The following PALD1 variants were observed in gnomAD, a reference collection of about 807,000 sequenced individuals.
PALD1 encodes the protein phosphatase domain containing paladin 1.
In PALD1, 57 loss-of-function variants were observed where a neutral mutation model predicts 96.0. The ratio of observed to expected loss-of-function variants is 0.59; its 90% CI spans 0.48 to 0.74. The LOEUF is 0.74. PALD1 is among the 30% of genes least tolerant of loss of function. PALD1 has a pLI of 0.00. For synonymous variants in PALD1, 464 were observed against 473.6 expected, an observed-to-expected ratio of 0.98 and a Z score of 0.26; for missense variants, 1,063 against 1,143.7, an observed-to-expected ratio of 0.93 and a Z score of 1.02.
chr10:70,482,852 C>T (rs1294177551), intron 1 of PALD1, among the ~76,000 whole-genome samples: 1 of 152,102 alleles, frequency 6.6e-6, no homozygotes, highest in Admixed American at 6.5e-5. Context: ...CCGAGGCTGT[C>T]TGGCTCCTAG....
intron 1 of PALD1, chr10:70,485,276 CCT>C (rs1846000429): frequency 6.6e-6 from 1 of 152,058 alleles, no homozygotes; most frequent in Admixed American, 6.6e-5. Context: ...ATGTTTATTC[CCT>C]GTTATACTTC....
rs1051109534 is a variant in PALD1 at position 70,506,536 on chromosome 10, A to G, written c.-29-19387A>G. Among the ~76,000 whole-genome samples, 3 of 152,260 alleles carry G rather than the reference A, an allele frequency of 2.0e-5. No individual in the cohort carries two copies. In the East Asian group the frequency reaches 5.8e-4, roughly 29 times the overall value. Reference sequence around the variant, plus strand: ...AGTCCAGTACATGTTACCTGCTGCCATTATTATCCTTTCCCCCAACTAACC... The same window carrying G: ...AGTCCAGTACATGTTACCTGCTGCCGTTATTATCCTTTCCCCCAACTAACC... On this transcript the variant is annotated intron_variant, in intron 1 of 19. Coordinates refer to ENST00000263563, the MANE Select transcript of PALD1 (RefSeq NM_014431.3).
chr10:70,538,811 G>A (rs758585132), intron 12 of PALD1, 81 bp from the exon 13 acceptor site: 42 of 1,179,938 alleles, frequency 3.6e-5, no homozygotes, highest in South Asian at 7.4e-5. Context: ...CCCACCCCCC[G>A]TCTGCCTTGG....
the PALD1 span, among the ~76,000 whole-genome samples, chr10:70,472,748 G>A: frequency 1.3e-5 from 2 of 152,068 alleles, no homozygotes; most frequent in African/African-American, 2.4e-5. Context: ...CCTTTCTGAC[G>A]GCAGTAGTGG....
At chr10:70,460,927 C>T in the PALD1 span, among the ~76,000 whole-genome samples, 73 of 152,276 alleles carry the variant, frequency 4.8e-4, 1 homozygote, top group African/African-American at 1.6e-3. Context: ...TGGTGGCATG[C>T]GCCTGTAATC....
At chr10:70,459,602 AGT>A in the PALD1 span, among the ~76,000 whole-genome samples, 3 of 152,158 alleles carry the variant, frequency 2.0e-5, no homozygotes, top group African/African-American at 7.2e-5. Flanking sequence ...CCTTTGCATG[AGT>A]CTTGGCAGAC....
chr10:70,460,116 C>A, the PALD1 span, among the ~76,000 whole-genome samples: 4 of 152,306 alleles, frequency 2.6e-5, no homozygotes, highest in East Asian at 7.7e-4. Flanking sequence ...AGCTTTCGTG[C>A]GGCTAAGCTT....
chr10:70,535,770 AG>A (rs1847103314), intron 10 of PALD1, among the ~76,000 whole-genome samples: 1 of 151,610 alleles, frequency 6.6e-6, no homozygotes, highest in South Asian at 2.1e-4. Context: ...GTGCAGTCAT[AG>A]CTCACTGCAA....
chr10:70,492,961 C>T (rs1338940574), intron 1 of PALD1, among the ~76,000 whole-genome samples: 1 of 152,204 alleles, frequency 6.6e-6, no homozygotes, highest in Non-Finnish European at 1.5e-5. Flanking sequence ...CCTGCATCAC[C>T]TCTTGGGAAT....
chr10:70,459,662 C>A, the PALD1 span, among the ~76,000 whole-genome samples: 1 of 152,224 alleles, frequency 6.6e-6, no homozygotes, highest in East Asian at 1.9e-4. Flanking sequence ...GAGCCCCCGC[C>A]TTGTGACGTT....
intron 1 of PALD1, among the ~76,000 whole-genome samples, chr10:70,498,349 A>AACACG (rs1846231115): frequency 2.0e-5 from 3 of 152,144 alleles, no homozygotes; most frequent in Non-Finnish European, 4.4e-5. Flanking sequence ...GCATGGTCCT[A>AACACG]GCTCACTGCA....
chr10:70,495,844 A>C lies in PALD1; in HGVS notation c.-30+16785A>C, dbSNP rs1178264663. 4.7e-4 allele frequency among the ~76,000 whole-genome samples: 51 copies of C among 107,910 alleles called. No individual in the cohort carries two copies. The South Asian group carries it at 0.018, about 38-fold the overall frequency. The allele number at this position is 107,910 out of a possible 152,430, so 70.8% of individuals were successfully genotyped here. A position where few individuals can be genotyped will look rare whatever the true frequency, so the allele number is the denominator to read the frequency against. ...GCATAGTGAGATTCTTGTCTCTACA[A>C]AAAAAAAAAAAAAAATTAGCCAGCT... On this transcript the variant is annotated intron_variant, in intron 1 of 19. Coordinates refer to ENST00000263563, the MANE Select transcript of PALD1 (RefSeq NM_014431.3).
chr10:70,530,747 T>C (rs1290717747), intron 4 of PALD1, among the ~76,000 whole-genome samples: 1 of 152,164 alleles, frequency 6.6e-6, no homozygotes, highest in East Asian at 1.9e-4. Flanking sequence ...GGGTGTGGGC[T>C]GTGTGCAGGT....
At chr10:70,497,440 C>G (rs766187369) in intron 1 of PALD1, among the ~76,000 whole-genome samples, 1 of 152,220 alleles carries the variant, frequency 6.6e-6, no homozygotes, top group Non-Finnish European at 1.5e-5. Flanking sequence ...GCGCCACTCG[C>G]ACAGCTCTCC....
At chr10:70,461,691 G>A in the PALD1 span, among the ~76,000 whole-genome samples, 1 of 152,240 alleles carries the variant, frequency 6.6e-6, no homozygotes, top group African/African-American at 2.4e-5. Context: ...CATGGCAGAT[G>A]TGGGAGCCAG....
chr10:70,517,956 T>A (rs1846651476), intron 1 of PALD1, among the ~76,000 whole-genome samples: 1 of 152,108 alleles, frequency 6.6e-6, no homozygotes, highest in African/African-American at 2.4e-5. Context: ...CAGGCTGGAG[T>A]GCAATGGCGC....
the PALD1 span, among the ~76,000 whole-genome samples, chr10:70,466,945 G>C: frequency 6.6e-6 from 1 of 152,176 alleles, no homozygotes; most frequent in Non-Finnish European, 1.5e-5. Context: ...CTCTCTCCCT[G>C]TAAGGAAATG....
In PALD1 at chr10:70,542,687, C is replaced by T. The variant is rs531184947; in HGVS notation, c.2121+1153C>T. Among the ~76,000 whole-genome samples, 5 of 152,306 alleles carry T rather than the reference C, an allele frequency of 3.3e-5. No individual in the cohort carries two copies. In the South Asian group the frequency reaches 6.2e-4, roughly 19 times the overall value. On this transcript the variant is annotated intron_variant, in intron 17 of 19. Coordinates refer to ENST00000263563, the MANE Select transcript of PALD1 (RefSeq NM_014431.3). Reference sequence around the variant, plus strand: ...GTTTCTCCATTCCTCCATCAAGGGACACTATTTGCTTCCACCTTTTGGCTG... The same window carrying T: ...GTTTCTCCATTCCTCCATCAAGGGATACTATTTGCTTCCACCTTTTGGCTG...
intron 4 of PALD1, among the ~76,000 whole-genome samples, chr10:70,530,568 C>T (rs1009803606): frequency 6.6e-6 from 1 of 152,144 alleles, no homozygotes; most frequent in African/African-American, 2.4e-5. Flanking sequence ...TTCCCAAGTG[C>T]CTGCTTTCAA....
Sources: gnomAD v4.1 joint callset for allele counts (sites outside exome capture counted in the v4.1 genomes callset) on GRCh38, gnomAD v4.1.1 for gene constraint, MANE v1.5 for transcripts, NCBI Gene and HGNC (gene_info 2026-07-23, HGNC 2026-07-21) for gene names.